The following PTGES variants were observed in gnomAD, a reference collection of about 807,000 sequenced individuals.
PTGES encodes prostaglandin E synthase.
PTGES carries 3 observed loss-of-function variants against 11.8 expected under a neutral mutation model. The observed-to-expected ratio is 0.25, with a 90% CI of 0.12 to 0.66. PTGES has a LOEUF of 0.66. Among genes scored for constraint, PTGES ranks in the 30% least tolerant of loss-of-function variants. The pLI, the probability that PTGES is intolerant of heterozygous loss-of-function variation, is 0.82. For missense variants in PTGES, 180 were observed against 213.0 expected, an observed-to-expected ratio of 0.85 and a Z score of 0.96; for synonymous variants, 94 against 90.4, an observed-to-expected ratio of 1.04 and a Z score of -0.22.
intron 1 of PTGES, among the ~76,000 whole-genome samples, chr9:129,749,861 G>A (rs969635477): frequency 6.6e-6 from 1 of 152,160 alleles, no homozygotes; most frequent in African/African-American, 2.4e-5. Flanking sequence ...AGGGACAGGG[G>A]TCATCAGGGG....
chr9:129,739,976 A>G lies in PTGES; in HGVS notation c.210-116T>C. 7.9e-7 allele frequency: 1 copy of G among 1,259,558 alleles called. No homozygotes were observed. The highest frequency in any genetic ancestry group is 1.1e-6 in the Non-Finnish European group (1 of 919,238). The allele number at this position is 1,259,558 out of a possible 1,614,324, so 78.0% of individuals were successfully genotyped here. A position where few individuals can be genotyped will look rare whatever the true frequency, so the allele number is the denominator to read the frequency against. Reference sequence around the variant, plus strand: ...ACCCACTGGGGGTCATTTCAGGCATATCACACACTCAAATCCATTCACAGC... The same window carrying G: ...ACCCACTGGGGGTCATTTCAGGCATGTCACACACTCAAATCCATTCACAGC... On this transcript the variant is annotated intron_variant, in intron 2 of 2. Coordinates refer to ENST00000340607, the MANE Select transcript of PTGES (RefSeq NM_004878.5). This position sits in a 1 kb window ranked among gnomAD's most constrained non-coding sequence, Gnocchi z 5.7.
At chr9:129,751,370 T>C (rs1588189130) in intron 1 of PTGES, among the ~76,000 whole-genome samples, 1 of 147,230 alleles carries the variant, frequency 6.8e-6, no homozygotes, top group Admixed American at 6.8e-5. Context: ...AAGGAATCGC[T>C]GGCCTGCTGG....
In PTGES at chr9:129,738,410, AACACACACACACACACACACACACAC is replaced by A. The variant is rs71385459; in HGVS notation, c.*1175_*1200del. 7.2e-6 allele frequency: 1 copy of A among 138,324 alleles called. No homozygotes were observed. The highest frequency in any genetic ancestry group is 2.2e-4 in the East Asian group (1 of 4,572). The allele number at this position is 138,324 out of a possible 1,614,324, so 8.6% of individuals were successfully genotyped here. A position where few individuals can be genotyped will look rare whatever the true frequency, so the allele number is the denominator to read the frequency against. ...ATCTCAGGTCACGGGTCTAGGAGAA[AACACACACACACACACACACACACAC>A]ACACACACACACACACACACACGGA... On this transcript the variant is annotated 3_prime_UTR_variant, in exon 3 of 3. Coordinates refer to ENST00000340607, the MANE Select transcript of PTGES (RefSeq NM_004878.5). This position sits in a 1 kb window ranked among gnomAD's most constrained non-coding sequence, Gnocchi z 4.2.
chr9:129,748,046 A>G (rs1376539266), intron 2 of PTGES, among the ~76,000 whole-genome samples: 1 of 142,254 alleles, frequency 7.0e-6, no homozygotes, highest in African/African-American at 2.6e-5. Context: ...AGAGGTATTG[A>G]GGCCTTCTGT....
At chr9:129,742,866 C>T (rs1300102068) in intron 2 of PTGES, among the ~76,000 whole-genome samples, 11 of 149,644 alleles carry the variant, frequency 7.4e-5, no homozygotes, top group African/African-American at 2.0e-4. Flanking sequence ...AGTGAGACTC[C>T]GTCTCAAAAA....
intron 1 of PTGES, 113 bp downstream of exon 1, chr9:129,752,769 GCTCAC>G (rs942593161): frequency 1.2e-5 from 18 of 1,503,574 alleles, no homozygotes; most frequent in Non-Finnish European, 1.6e-5. Flanking sequence ...TGGAAGAGGT[GCTCAC>G]CTCCCAGCCC....
chr9:129,751,343 T>TAAAA (rs34989168), intron 1 of PTGES, among the ~76,000 whole-genome samples: 2 of 103,364 alleles, frequency 1.9e-5, no homozygotes, highest in African/African-American at 7.3e-5. Flanking sequence ...AAATAATAAT[T>TAAAA]AAAAAAAAAA....
At chr9:129,748,787 C>T in intron 1 of PTGES, 50 bp from the exon 2 acceptor site, 1 of 1,458,868 alleles carries the variant, frequency 6.9e-7, no homozygotes, top group Non-Finnish European at 9.4e-7. Context: ...ACGGCCCAGT[C>T]ACCTGGGGCT....
chr9:129,749,555 C>T (rs1472625309), intron 1 of PTGES: 1 of 152,090 alleles, frequency 6.6e-6, no homozygotes, highest in African/African-American at 2.4e-5. Context: ...AGGGCTGAGG[C>T]AGGAGGATTG....
At chr9:129,740,141 A>G (rs890741175) in intron 2 of PTGES, among the ~76,000 whole-genome samples, 1 of 151,890 alleles carries the variant, frequency 6.6e-6, no homozygotes, top group Middle Eastern at 3.2e-3. Context: ...CCATACCTCT[A>G]TGGCTTGCCG....
intron 2 of PTGES, among the ~76,000 whole-genome samples, chr9:129,747,913 G>A (rs1244943190): frequency 1.3e-5 from 2 of 150,928 alleles, no homozygotes; most frequent in Non-Finnish European, 2.9e-5. Flanking sequence ...GGGAGGCTGA[G>A]GCAGGAGAAT....
chr9:129,749,798 C>T (rs962933121), intron 1 of PTGES, among the ~76,000 whole-genome samples: 1 of 152,194 alleles, frequency 6.6e-6, no homozygotes, highest in Non-Finnish European at 1.5e-5. Context: ...GTGTGAAGAA[C>T]AGAAAACCAG....
At chr9:129,747,480 G>A (rs1309271356) in intron 2 of PTGES, among the ~76,000 whole-genome samples, 1 of 152,172 alleles carries the variant, frequency 6.6e-6, no homozygotes, top group African/African-American at 2.4e-5. Flanking sequence ...CCAGGGGGAT[G>A]TTAAGCATAT....
intron 2 of PTGES, among the ~76,000 whole-genome samples, chr9:129,741,672 A>G (rs45537234): frequency 0.072 from 10,938 of 151,978 alleles, 470 homozygotes; most frequent in East Asian, 0.19. Flanking sequence ...TTGGGAGGCC[A>G]AGGCGGGCGG....
chr9:129,739,853 G>A lies in PTGES; in HGVS notation c.217C>T (p.Arg73Trp), dbSNP rs769001110. The A allele has an allele frequency of 5.1e-6, 8 of 1,567,096 alleles. No individual in the cohort carries two copies. Among genetic ancestry groups the A allele is most frequent in the African/African-American group, 1.4e-5 (1 of 73,880 alleles). The change falls in exon 3 of 3, where the codon CGG becomes TGG. Residue 73 changes from arginine (R) to tryptophan (W), a missense_variant. By Grantham distance (101) the Arg-to-Trp change is moderately radical. Transcript: ENST00000340607. This position sits in a 1 kb window ranked among gnomAD's most constrained non-coding sequence, Gnocchi z 5.7. ...GGGTAGATGGTCTCCATGTCGTTCC[G>A]GTGGGCCCTGGGGAGACAAGAGGGG... is the stretch of plus-strand genomic sequence containing the variant. ...PDVERCLRAHRNDMETIYPFL... is the reference protein window; with the variant it reads ...PDVERCLRAHWNDMETIYPFL...
rs202175979 is a variant in PTGES, at chr9:129,752,894, C to A, written c.119G>T (p.Arg40Leu). ...VAIITGQVRL[R>L]KKAFANPEDA... ...CCCCAGGGAGGCACATACCTTCTTC[C>A]GCAGCCTCACTTGGCCCGTGATGAT... Residue 40 changes from arginine to leucine, a missense_variant, in exon 1 of 3, where the codon CGG becomes CTG. Coordinates refer to ENST00000340607, the MANE Select transcript of PTGES (RefSeq NM_004878.5). The A allele has an allele frequency of 6.2e-7, 1 of 1,613,896 alleles. No individual in the cohort carries two copies. The highest frequency in any genetic ancestry group is 1.3e-5 in the African/African-American group (1 of 74,942).
intron 1 of PTGES, among the ~76,000 whole-genome samples, chr9:129,752,501 T>C (rs2130956429): frequency 6.6e-6 from 1 of 152,338 alleles, no homozygotes; most frequent in Non-Finnish European, 1.5e-5. Flanking sequence ...CTCGGACTCC[T>C]GTTTTGCCGG....
At chr9:129,748,161 A>T (rs963132612) in intron 2 of PTGES, among the ~76,000 whole-genome samples, 5 of 150,760 alleles carry the variant, frequency 3.3e-5, no homozygotes, top group Admixed American at 3.3e-4. Flanking sequence ...GAGCACCAAT[A>T]CAGTGAATGC....
chr9:129,739,972 G>T lies in PTGES; in HGVS notation c.210-112C>A, dbSNP rs1262307173. ...TTTGACCCACTGGGGGTCATTTCAG[G>T]CATATCACACACTCAAATCCATTCA... On this transcript the variant is annotated intron_variant, in intron 2 of 2. Transcript: ENST00000340607. This position sits in a 1 kb window ranked among gnomAD's most constrained non-coding sequence, Gnocchi z 5.7. The T allele has an allele frequency of 2.1e-5, 27 of 1,293,650 alleles. No individual in the cohort carries two copies. The Admixed American group carries it at 6.4e-4, about 31-fold the overall frequency. The allele number at this position is 1,293,650 out of a possible 1,614,324, so 80.1% of individuals were successfully genotyped here. A position where few individuals can be genotyped will look rare whatever the true frequency, so the allele number is the denominator to read the frequency against.
Sources: allele counts gnomAD v4.1 joint callset (sites outside exome capture counted in the v4.1 genomes callset), GRCh38; gene constraint gnomAD v4.1.1; non-coding constraint Gnocchi (gnomAD v3.1); transcripts MANE v1.5; gene names NCBI Gene and HGNC (gene_info 2026-07-23, HGNC 2026-07-21).